The following KCNC2 variants were observed in gnomAD, a reference collection of about 807,000 sequenced individuals.
KCNC2 encodes the protein potassium voltage-gated channel subfamily C member 2, also known as voltage-gated potassium channel KCNC2.
KCNC2 carries 21 observed loss-of-function variants against 44.5 expected under a neutral mutation model. The ratio of observed to expected loss-of-function variants is 0.47; its 90% CI spans 0.33 to 0.68. KCNC2 has a LOEUF of 0.68. Ranked by LOEUF, KCNC2 falls within the 30% of genes least tolerant of loss-of-function variation. KCNC2 has a pLI of 0.01. For synonymous variants in KCNC2, 391 were observed against 339.1 expected (o/e 1.15, Z -1.68); for missense variants, 589 against 826.2 (o/e 0.71, Z 3.52).
intron 2 of KCNC2, among the ~76,000 whole-genome samples, chr12:75,129,147 T>C (rs1372595363): frequency 2.0e-5 from 3 of 152,126 alleles, no homozygotes; most frequent in Non-Finnish European, 4.4e-5. Flanking sequence ...TACTGTCTTA[T>C]AAAGACGGGT....
At chr12:75,198,976 C>T (rs893016360) in intron 2 of KCNC2, among the ~76,000 whole-genome samples, 10 of 151,542 alleles carry the variant, frequency 6.6e-5, no homozygotes, top group Non-Finnish European at 1.0e-4. Flanking sequence ...ATTTAAATCA[C>T]GACATTTTAT....
At position 75,051,156 on chromosome 12, in the gene KCNC2, C is replaced by G. The variant is rs201186928; in HGVS notation, c.849G>C (p.Thr283=). 2 of 1,613,762 alleles carry G rather than the reference C, an allele frequency of 1.2e-6. No homozygotes were observed. The highest frequency in any genetic ancestry group is 2.2e-5 in the South Asian group (2 of 91,080). The change falls in exon 3 of 5, where the codon ACG becomes ACC. Residue 283 remains threonine, a synonymous_variant. Transcript: ENST00000549446. The stretch of plus-strand genomic sequence containing the variant: ...ACACCACACACACTCCTTCTACATA[C>G]GTCAAGGCAGGATCCGTTTCAATTT... The part of the protein sequence containing the change: ...QYEIETDPAL[T]YVEGVCVVWF...
chr12:75,096,663 T>C (rs1360809019), intron 2 of KCNC2, among the ~76,000 whole-genome samples: 2 of 151,890 alleles, frequency 1.3e-5, no homozygotes, highest in Non-Finnish European at 2.9e-5. Context: ...AGCAGAGGAA[T>C]AAAAACAATT....
chr12:75,084,643 C>G (rs11180361), intron 2 of KCNC2, among the ~76,000 whole-genome samples: 1 of 151,650 alleles, frequency 6.6e-6, no homozygotes, highest in Admixed American at 6.6e-5. Flanking sequence ...CCAATGAAAC[C>G]TCTTTCTTTT....
chr12:75,083,983 A>C (rs532384284), intron 2 of KCNC2, among the ~76,000 whole-genome samples: 12 of 151,978 alleles, frequency 7.9e-5, no homozygotes, highest in Non-Finnish European at 1.5e-4. Flanking sequence ...TTGTGAAAGC[A>C]CTGATGTTTC....
chr12:75,098,733 T>C (rs1886137060), intron 2 of KCNC2, among the ~76,000 whole-genome samples: 1 of 150,836 alleles, frequency 6.6e-6, no homozygotes, highest in African/African-American at 2.4e-5. Flanking sequence ...CACTCCAGCC[T>C]GGTGACAGAG....
intron 2 of KCNC2, among the ~76,000 whole-genome samples, chr12:75,156,138 G>T (rs1592987850): frequency 6.6e-6 from 1 of 151,756 alleles, no homozygotes; most frequent in Non-Finnish European, 1.5e-5. Context: ...TCCTGGAAAT[G>T]TCAGCTTGAT....
chr12:75,071,292 T>A (rs1009218014), intron 2 of KCNC2, among the ~76,000 whole-genome samples: 3 of 152,164 alleles, frequency 2.0e-5, no homozygotes, highest in Non-Finnish European at 4.4e-5. Context: ...ATGACAGCCT[T>A]ACTTATTTAT....
intron 2 of KCNC2, among the ~76,000 whole-genome samples, chr12:75,147,821 A>G (rs1243595080): frequency 1.3e-5 from 2 of 152,166 alleles, no homozygotes; most frequent in African/African-American, 2.4e-5. Context: ...TAGTTTTCAG[A>G]TATCTAAGGT....
chr12:75,046,317 C>T (rs1056563842), intron 4 of KCNC2, among the ~76,000 whole-genome samples: 2 of 151,818 alleles, frequency 1.3e-5, no homozygotes, highest in East Asian at 3.9e-4. Flanking sequence ...CAAAACTTTG[C>T]AATTTTATAG....
At chr12:75,188,861 CAATAAATAAATAAATA>C (rs10608827) in intron 2 of KCNC2, among the ~76,000 whole-genome samples, 56 of 142,588 alleles carry the variant, frequency 3.9e-4, no homozygotes, top group African/African-American at 7.3e-4. Context: ...GACTCCATCT[CAATAAATAAATAAATA>C]AATAAATAAA....
chr12:75,158,280 G>A (rs189976902), intron 2 of KCNC2, among the ~76,000 whole-genome samples: 1,719 of 151,952 alleles, frequency 0.011, 28 homozygotes, highest in Non-Finnish European at 0.016. Flanking sequence ...AGAACCAATA[G>A]AATCTAATCT....
At chr12:75,165,218 T>C (rs1322582545) in intron 2 of KCNC2, among the ~76,000 whole-genome samples, 1 of 151,570 alleles carries the variant, frequency 6.6e-6, no homozygotes, top group Non-Finnish European at 1.5e-5. Flanking sequence ...TATGTAAGCA[T>C]ACAAATGCAT....
At chr12:75,101,730 A>C (rs1886388899) in intron 2 of KCNC2, among the ~76,000 whole-genome samples, 1 of 152,050 alleles carries the variant, frequency 6.6e-6, no homozygotes, top group African/African-American at 2.4e-5. Context: ...TAGTAATACT[A>C]TAGGGTTCTT....
rs769487574 is a variant in KCNC2 at position 75,207,588 on chromosome 12, C to A, written c.396G>T (p.Pro132=). 1.5e-5 allele frequency: 24 copies of A among 1,612,006 alleles called. No homozygotes were observed. Among genetic ancestry groups the A allele is most frequent in the Non-Finnish European group, 2.0e-5 (24 of 1,179,890 alleles). ...AGAAGGCCAGCTCCTCCTCGAAGAG[C>A]GGCCCGCACACGTCTGCGGGGCAGT... The part of the protein sequence containing the change: ...KLHCPADVCG[P]LFEEELAFWG... Residue 132 remains proline (P), a synonymous_variant, in exon 2 of 5, where the codon CCG becomes CCT. Coordinates refer to ENST00000549446, the MANE Select transcript of KCNC2 (RefSeq NM_139137.4). The surrounding 1 kb of genome is among the most constrained non-coding windows in gnomAD (Gnocchi z 4.1).
At chr12:75,151,924 A>T (rs1291911414) in intron 2 of KCNC2, among the ~76,000 whole-genome samples, 3 of 146,292 alleles carry the variant, frequency 2.1e-5, no homozygotes, top group Non-Finnish European at 3.0e-5. Context: ...TATATATATA[A>T]TATATTATAT....
chr12:75,088,768 T>C (rs1263611009), intron 2 of KCNC2, among the ~76,000 whole-genome samples: 2 of 152,010 alleles, frequency 1.3e-5, no homozygotes, highest in East Asian at 3.9e-4. Flanking sequence ...ATTAATGTAA[T>C]TTCATCATTC....
At chr12:75,171,954 C>T (rs918761099) in intron 2 of KCNC2, among the ~76,000 whole-genome samples, 1 of 151,632 alleles carries the variant, frequency 6.6e-6, no homozygotes, top group East Asian at 1.9e-4. Flanking sequence ...TTGTTCTCTT[C>T]TATTAAGGAT....
In KCNC2 at chr12:75,196,520, C is replaced by T. The variant is rs139905836; in HGVS notation, c.687+10777G>A. The stretch of plus-strand genomic sequence containing the variant: ...AATAATACAAATGACATTTCTAGAA[C>T]CAGGTCTGGATTCTTAACATAAATG... On this transcript the variant is annotated intron_variant, in intron 2 of 4. Transcript: ENST00000549446. 4.1e-4 allele frequency among the ~76,000 whole-genome samples: 63 copies of T among 152,142 alleles called. No homozygotes were observed. The East Asian group carries it at 7.1e-3, about 17-fold the overall frequency.
Sources: gnomAD v4.1 joint callset for allele counts (sites outside exome capture counted in the v4.1 genomes callset) on GRCh38, gnomAD v4.1.1 for gene constraint, Gnocchi (gnomAD v3.1) non-coding constraint, MANE v1.5 for transcripts, NCBI Gene and HGNC (gene_info 2026-07-23, HGNC 2026-07-21) for gene names.